CHRDL1: variants seen among roughly 807,000 people sequenced by gnomAD.
CHRDL1 encodes the protein chordin like 1, also known as chordin-like protein 1.
CHRDL1 carries 19 observed loss-of-function variants against 40.9 expected under a neutral mutation model. That is an observed-to-expected ratio of 0.46 (90% confidence interval 0.32 to 0.68). The LOEUF is 0.68. CHRDL1 is among the 30% of genes least tolerant of loss of function. The probability of loss-of-function intolerance (pLI) is 0.03; values close to 1 mark genes in which losing one functional copy is unlikely to be tolerated. For missense variants in CHRDL1, 329 were observed against 352.1 expected (o/e 0.93, Z 0.53); for synonymous variants, 136 against 123.4 (o/e 1.10, Z -0.68).
intron 7 of CHRDL1, among the ~76,000 whole-genome samples, chrX:110,697,815 CA>C (rs2070423000): frequency 5.4e-4 from 1 of 1,845 alleles, no homozygotes; most frequent in Non-Finnish European, 9.5e-4. Flanking sequence ...CACACCACTC[CA>C]CACACACACA....
At chrX:110,718,880 T>A (rs1434842746) in intron 6 of CHRDL1, among the ~76,000 whole-genome samples, 1 of 111,983 alleles carries the variant, frequency 8.9e-6, no homozygotes, top group Admixed American at 9.5e-5. Flanking sequence ...TATATTGTTG[T>A]GTAGGTTGTG....
intron 4 of CHRDL1, among the ~76,000 whole-genome samples, chrX:110,735,758 C>G (rs1424528869): frequency 1.8e-5 from 2 of 112,001 alleles, no homozygotes; most frequent in Non-Finnish European, 3.8e-5. Flanking sequence ...GGTATTTTTC[C>G]TGTATATGAT....
intron 1 of CHRDL1, among the ~76,000 whole-genome samples, chrX:110,793,604 C>T (rs1310328841): frequency 1.8e-5 from 2 of 112,138 alleles, no homozygotes. Flanking sequence ...TTTTCATTAA[C>T]AATTTAACAC....
chrX:110,785,966 G>T, intron 2 of CHRDL1, among the ~76,000 whole-genome samples: 1 of 112,081 alleles, frequency 8.9e-6, no homozygotes. Flanking sequence ...GTCCTTTATT[G>T]AATTATAATT....
At chrX:110,702,230 C>T (rs1012581501) in intron 6 of CHRDL1, among the ~76,000 whole-genome samples, 1 of 111,153 alleles carries the variant, frequency 9.0e-6, no homozygotes, top group South Asian at 3.9e-4. Context: ...TACTGGACTC[C>T]CATTGTTGCT....
At chrX:110,697,323 T>G (rs1265005225) in intron 7 of CHRDL1, among the ~76,000 whole-genome samples, 1 of 109,611 alleles carries the variant, frequency 9.1e-6, no homozygotes, top group Non-Finnish European at 1.9e-5. Flanking sequence ...AACATCAGGG[T>G]CCAGAAAGGG....
chrX:110,686,903 A>T (rs2070034314), intron 9 of CHRDL1, among the ~76,000 whole-genome samples: 1 of 107,116 alleles, frequency 9.3e-6, no homozygotes, highest in Admixed American at 9.9e-5. Context: ...AAAAATAAAA[A>T]AAAAAATAAA....
intron 2 of CHRDL1, among the ~76,000 whole-genome samples, chrX:110,775,398 C>T (rs1181683289): frequency 4.5e-5 from 5 of 111,505 alleles, no homozygotes; most frequent in African/African-American, 1.6e-4. Flanking sequence ...TCTGACCCAT[C>T]ACAACTGAGG....
intron 6 of CHRDL1, among the ~76,000 whole-genome samples, chrX:110,714,555 C>G (rs371991002): frequency 4.5e-5 from 5 of 111,406 alleles, no homozygotes; most frequent in African/African-American, 1.6e-4. Context: ...TTGCACTATG[C>G]TTCCAGTCCT....
intron 4 of CHRDL1, among the ~76,000 whole-genome samples, chrX:110,729,192 A>G (rs752684321): frequency 2.7e-5 from 3 of 111,737 alleles, no homozygotes; most frequent in Non-Finnish European, 5.7e-5. Flanking sequence ...AAAAAGTAAC[A>G]ATGCTCATAT....
chrX:110,752,171 G>A (rs1056683113), intron 4 of CHRDL1, among the ~76,000 whole-genome samples: 4 of 111,862 alleles, frequency 3.6e-5, no homozygotes, highest in African/African-American at 1.3e-4. Flanking sequence ...GGGTTCAAGC[G>A]ATCCTCCTGC....
chrX:110,762,468 G>A (rs1171917812), intron 3 of CHRDL1, among the ~76,000 whole-genome samples: 1 of 111,420 alleles, frequency 9.0e-6, no homozygotes, highest in Non-Finnish European at 1.9e-5. Flanking sequence ...GTAGAGATGG[G>A]GTTTTGCCAT....
chrX:110,685,326 G>C (rs1267596696), intron 9 of CHRDL1, among the ~76,000 whole-genome samples: 1 of 111,277 alleles, frequency 9.0e-6, no homozygotes, highest in African/African-American at 3.3e-5. Context: ...GCGCGATCTT[G>C]GCTCACTGCA....
rs754281634 is a variant in CHRDL1 at position 110,766,520 on chromosome X, A to C, written c.95-3713T>G. Among the ~76,000 whole-genome samples, 3 of 111,768 alleles carry C rather than the reference A, an allele frequency of 2.7e-5. No homozygotes were observed. The South Asian group carries it at 1.1e-3, about 42-fold the overall frequency. ...GAGAAACAAAACAGGAGTATCTTCA[A>C]ATACTGAAATACGAAAGATCATTCA... On this transcript the variant is annotated intron_variant, in intron 2 of 11. Coordinates refer to ENST00000372042, the MANE Select transcript of CHRDL1 (RefSeq NM_001143981.2).
Position 110,736,395 on chromosome X carries a change from A to G in CHRDL1, c.302-14865T>C, listed in dbSNP as rs774391659. ...CTTAGGAAAGAAAGGTGTGAAAAGT[A>G]AAAATATGTCAAATATTAATAAAAA... On this transcript the variant is annotated intron_variant, in intron 4 of 11. Transcript: ENST00000372042. Among the ~76,000 whole-genome samples, 11 of 112,457 alleles carry G rather than the reference A, an allele frequency of 9.8e-5. No individual in the cohort carries two copies. The East Asian group carries it at 3.1e-3, about 31-fold the overall frequency.
intron 11 of CHRDL1, 124 bp downstream of exon 11, chrX:110,679,212 C>A (rs1227141775): frequency 1.9e-6 from 1 of 520,512 alleles, no homozygotes; most frequent in African/African-American, 2.3e-5. Flanking sequence ...ATGGAACATC[C>A]TTTAGTGTTG....
At chrX:110,789,056 T>C (rs1457670862) in intron 2 of CHRDL1, among the ~76,000 whole-genome samples, 2 of 111,469 alleles carry the variant, frequency 1.8e-5, no homozygotes, top group East Asian at 5.6e-4. Context: ...AAATACAACT[T>C]AAAGATTAAA....
At chrX:110,698,458 T>C (rs986439012) in intron 7 of CHRDL1, among the ~76,000 whole-genome samples, 12 of 112,075 alleles carry the variant, frequency 1.1e-4, no homozygotes, top group Non-Finnish European at 1.9e-4. Context: ...ATTATTCAAA[T>C]CATATCCCAC....
intron 9 of CHRDL1, among the ~76,000 whole-genome samples, chrX:110,683,308 G>A (rs1044961758): frequency 2.8e-5 from 3 of 108,308 alleles, no homozygotes; most frequent in Admixed American, 9.7e-5. Context: ...AACATCCGCC[G>A]TTTTTCACAC....
Sources: allele counts gnomAD v4.1 joint callset (sites outside exome capture counted in the v4.1 genomes callset), GRCh38; gene constraint gnomAD v4.1.1; transcripts MANE v1.5; gene names NCBI Gene and HGNC (gene_info 2026-07-23, HGNC 2026-07-21).